PTPRF: variants seen among roughly 807,000 people sequenced by gnomAD.
PTPRF encodes the protein protein tyrosine phosphatase receptor type F.
PTPRF carries 59 observed loss-of-function variants against 201.8 expected under a neutral mutation model. The observed-to-expected ratio is 0.29, with a 90% CI of 0.24 to 0.36. PTPRF has a LOEUF of 0.36. Ranked by LOEUF, PTPRF falls within the 10% of genes least tolerant of loss-of-function variation. The probability of loss-of-function intolerance (pLI) is 1.00; values close to 1 mark genes in which losing one functional copy is unlikely to be tolerated. For missense variants in PTPRF, 2,132 were observed against 2,690.5 expected (o/e 0.79, Z 4.59); for synonymous variants, 1,088 against 1,089.7 (o/e 1.00, Z 0.03).
chr1:43,533,658 T>G (rs1194650951), intron 1 of PTPRF, among the ~76,000 whole-genome samples: 2 of 152,078 alleles, frequency 1.3e-5, no homozygotes, highest in Non-Finnish European at 2.9e-5. Flanking sequence ...CCAGGGCTGT[T>G]GTAAGAATCC....
intron 7 of PTPRF, among the ~76,000 whole-genome samples, chr1:43,587,991 C>T (rs886707792): frequency 2.6e-5 from 4 of 152,128 alleles, no homozygotes; most frequent in Non-Finnish European, 4.4e-5. Context: ...TGTTTGTTGG[C>T]GCAGGAAGCC....
intron 5 of PTPRF, among the ~76,000 whole-genome samples, chr1:43,559,911 G>A (rs897633679): frequency 4.0e-5 from 6 of 148,848 alleles, no homozygotes; most frequent in Admixed American, 3.4e-4. Context: ...GTGTGTGCGC[G>A]CGTGTGTACA....
chr1:43,618,530 CCAGAAAGGCTA>C (rs1210298859), intron 25 of PTPRF, 89 bp from the exon 26 acceptor site: 1 of 1,442,782 alleles, frequency 6.9e-7, no homozygotes, highest in Non-Finnish European at 9.4e-7. Context: ...GGCTTTGTAG[CCAGAAAGGCTA>C]CAGCCAGGGA....
chr1:43,621,345 C>A, intron 33 of PTPRF, 113 bp downstream of exon 33: 1 of 1,394,260 alleles, frequency 7.2e-7, no homozygotes, highest in Non-Finnish European at 9.7e-7. Flanking sequence ...ATGCTGCCAA[C>A]CTTTCACGTG....
At chr1:43,621,293 C>T in intron 33 of PTPRF, 61 bp downstream of exon 33, 1 of 1,585,470 alleles carries the variant, frequency 6.3e-7, no homozygotes, top group East Asian at 2.3e-5. Context: ...GAACCCTAGG[C>T]TTTAGCAACA....
At chr1:43,606,129 C>G in intron 19 of PTPRF, 111 bp from the exon 20 acceptor site, 2 of 1,237,054 alleles carry the variant, frequency 1.6e-6, no homozygotes, top group Non-Finnish European at 2.2e-6. Flanking sequence ...GGCTCTGACA[C>G]GGAAGGTGAG....
At position 43,604,201 on chromosome 1, in the gene PTPRF, G is replaced by A. The variant is rs1654482504; in HGVS notation, c.3037+12G>A. 6.2e-7 allele frequency: 1 copy of A among 1,609,938 alleles called. No homozygotes were observed. ...GCCGGTGGAGCAAGGTGTGTGCTGT[G>A]GACATGGCATCCCTTCCCGAGTGTG... On this transcript the variant is annotated intron_variant, in intron 16 of 33. Transcript: ENST00000359947.
chr1:43,583,854 C>T (rs1354405657), intron 7 of PTPRF, among the ~76,000 whole-genome samples: 2 of 152,178 alleles, frequency 1.3e-5, no homozygotes, highest in Non-Finnish European at 1.5e-5. Flanking sequence ...AGCTAGCTCC[C>T]GTGTCTGTTT....
intron 23 of PTPRF, among the ~76,000 whole-genome samples, chr1:43,615,726 C>T (rs1419452059): frequency 6.6e-6 from 1 of 151,868 alleles, no homozygotes; most frequent in African/African-American, 2.4e-5. Flanking sequence ...GCTACCACAC[C>T]CGGCTAATTT....
In PTPRF at chr1:43,569,662, C is replaced by T; in HGVS notation, c.452C>T (p.Thr151Ile). Residue 151 changes from threonine (T) to isoleucine (I), a missense_variant, in exon 6 of 34, where the codon ACA (threonine) becomes ATA (isoleucine). Physicochemically the swap from Thr to Ile is moderately conservative, Grantham distance 89 (BLOSUM62 -1). This residue lies in a region of PTPRF where 297 missense variants were observed against 454.0 expected (regional missense o/e 0.65). Transcript: ENST00000359947. Reference protein sequence around the residue: ...PQLKVVEKARTATMLCAAGGN... With the variant: ...PQLKVVEKARIATMLCAAGGN... ...CTGAAGGTGGTGGAGAAGGCACGCA[C>T]AGCCACCATGCTATGTGCCGCAGGC... 1 of 1,614,020 alleles carries T rather than the reference C, an allele frequency of 6.2e-7. No homozygotes were observed. The highest frequency in any genetic ancestry group is 8.5e-7 in the Non-Finnish European group (1 of 1,179,906).
At chr1:43,557,944 G>A (rs2842175) in intron 5 of PTPRF, among the ~76,000 whole-genome samples, 40,513 of 152,094 alleles carry the variant, frequency 0.27, 5,733 homozygotes, top group South Asian at 0.41. Flanking sequence ...GAGGGAAGCA[G>A]CCCAGAGGGT....
chr1:43,595,383 AT>A (rs904100723), intron 11 of PTPRF, among the ~76,000 whole-genome samples: 6 of 149,446 alleles, frequency 4.0e-5, no homozygotes, highest in Admixed American at 6.7e-5. Flanking sequence ...CACCCAGCTA[AT>A]TTTTTTTTTG....
chr1:43,613,435 C>T (rs1231154758), intron 22 of PTPRF, 183 bp from the exon 23 acceptor site: 1 of 616,720 alleles, frequency 1.6e-6, no homozygotes, highest in Non-Finnish European at 3.0e-6. Flanking sequence ...ACAACACCGC[C>T]CTCTGTCCTC....
intron 7 of PTPRF, among the ~76,000 whole-genome samples, chr1:43,581,166 G>A (rs1465739230): frequency 1.3e-5 from 2 of 152,208 alleles, no homozygotes; most frequent in Non-Finnish European, 2.9e-5. Context: ...GTTTACACAT[G>A]GTAGACTCAG....
intron 2 of PTPRF, among the ~76,000 whole-genome samples, chr1:43,544,077 A>G (rs1644510194): frequency 6.6e-6 from 1 of 152,218 alleles, no homozygotes; most frequent in South Asian, 2.1e-4. Flanking sequence ...CAGGCACTTC[A>G]GGCCAGGAGC....
At chr1:43,612,739 CGTTT>C (rs543852195) in intron 22 of PTPRF, 354 of 1,357,916 alleles carry the variant, frequency 2.6e-4, no homozygotes, top group Non-Finnish European at 3.2e-4. Flanking sequence ...TTGTTTTTTT[CGTTT>C]GTTTGTTTGT....
intron 3 of PTPRF, among the ~76,000 whole-genome samples, chr1:43,551,614 A>G (rs1645042701): frequency 6.6e-6 from 1 of 152,200 alleles, no homozygotes; most frequent in South Asian, 2.1e-4. Context: ...AGGCTGGATC[A>G]AAGCCTGGCT....
intron 16 of PTPRF, 124 bp from the exon 17 acceptor site, chr1:43,604,779 A>G (rs1654638003): frequency 1.2e-6 from 1 of 808,072 alleles, no homozygotes; most frequent in Admixed American, 1.9e-5. Context: ...GGTACTCTGC[A>G]GCCATCCTTC....
chr1:43,549,971 C>T (rs1445031562), intron 3 of PTPRF, among the ~76,000 whole-genome samples: 1 of 152,110 alleles, frequency 6.6e-6, no homozygotes, highest in Non-Finnish European at 1.5e-5. Flanking sequence ...AGGAGAGGTG[C>T]GGTTAGATCT....
Sources: gnomAD v4.1 joint callset for allele counts (sites outside exome capture counted in the v4.1 genomes callset) on GRCh38, gnomAD v4.1.1 for gene constraint, gnomAD v4.1.1 regional missense constraint, MANE v1.5 for transcripts, NCBI Gene and HGNC (gene_info 2026-07-23, HGNC 2026-07-21) for gene names.